Variants in NT5DC4 observed in about 807,000 individuals in gnomAD.
The protein encoded by NT5DC4 is 5'-nucleotidase domain-containing protein 4.
NT5DC4 carries 44 observed loss-of-function variants against 26.6 expected under a neutral mutation model. That is an observed-to-expected ratio of 1.65 (90% CI 1.30 to 2.13). The LOEUF (loss-of-function observed/expected upper bound fraction) is 2.13. Among genes scored for constraint, NT5DC4 ranks in the 30% most tolerant of loss-of-function variants. The probability of loss-of-function intolerance (pLI) is 0.00; values close to 1 mark genes in which losing one functional copy is unlikely to be tolerated. For synonymous variants in NT5DC4, 157 were observed against 86.7 expected (o/e 1.81, Z -4.51); for missense variants, 399 against 228.1 (o/e 1.75, Z -4.83).
chr2:112,741,166 TG>T (rs1177101833), downstream of NT5DC4, among the ~76,000 whole-genome samples: 2 of 152,334 alleles, frequency 1.3e-5, no homozygotes, highest in East Asian at 3.8e-4. Flanking sequence ...ACTTATAACT[TG>T]TTTTTTCACG....
At position 112,722,758 on chromosome 2, in the gene NT5DC4, T is replaced by C. The variant is rs1434410752; in HGVS notation, c.514T>C (p.Ser172Pro). The C allele has an allele frequency of 4.2e-6, 3 of 717,562 alleles. No individual in the cohort carries two copies. In the Admixed American group the frequency reaches 6.0e-5, roughly 14 times the overall value. 44.4% of individuals were successfully genotyped at this position (717,562 alleles called of 1,614,324 possible). A position where few individuals can be genotyped will look rare whatever the true frequency, so the allele number is the denominator to read the frequency against. Residue 172 changes from serine (S) to proline (P), a missense_variant, in exon 6 of 17, where the codon TCC (serine) becomes CCC (proline). By Grantham distance (74) the Ser-to-Pro change is moderately conservative. Coordinates refer to ENST00000688554, the MANE Select transcript of NT5DC4 (RefSeq NM_001393655.1). Reference sequence around the variant, plus strand: ...CTTGGTGGACTTCTTCTCTGGCTGCTCCCGTTACACTAAGTGCGTCTTGTG... The same window carrying C: ...CTTGGTGGACTTCTTCTCTGGCTGCCCCCGTTACACTAAGTGCGTCTTGTG... ...ACLVDFFSGCSRYTNCDTGYQ... is the reference protein window; with the variant it reads ...ACLVDFFSGCPRYTNCDTGYQ...
At chr2:112,742,751 T>C (rs746117908), downstream of NT5DC4, 1 of 1,609,646 alleles carries the variant, frequency 6.2e-7, no homozygotes, top group East Asian at 2.2e-5. Context: ...AGAACAACTT[T>C]CCGCAACTCT....
chr2:112,719,840 T>TTCCTTCCCTCCCTCCCTCCCTCCCTCCC (rs763010206), upstream of NT5DC4, among the ~76,000 whole-genome samples: 1 of 78,334 alleles, frequency 1.3e-5, no homozygotes, highest in African/African-American at 4.3e-5. Flanking sequence ...CCTTCCTTCC[T>TTCCTTCCCTCCCTCCCTCCCTCCCTCCC]TCCCTCCCTC....
chr2:112,734,728 C>T (rs1425890947), intron 16 of NT5DC4, among the ~76,000 whole-genome samples: 9 of 152,174 alleles, frequency 5.9e-5, no homozygotes, highest in Non-Finnish European at 1.2e-4. Context: ...CTTGCTCCGT[C>T]GCCTAGGCTG....
At chr2:112,723,223 G>C (rs1246955784) in intron 7 of NT5DC4, 49 bp downstream of exon 7, 1 of 716,994 alleles carries the variant, frequency 1.4e-6, no homozygotes, top group Non-Finnish European at 2.6e-6. Flanking sequence ...TCTGCTCTTG[G>C]TTCCCCGGGC....
At chr2:112,721,793 C>T in intron 1 of NT5DC4, 25 bp from the exon 2 acceptor site, 1 of 717,212 alleles carries the variant, frequency 1.4e-6, no homozygotes, top group African/African-American at 1.7e-5. Flanking sequence ...TGGACTGATG[C>T]CAACATCCTC....
chr2:112,737,888 T>G (rs1679430378), intron 16 of NT5DC4: 1 of 152,214 alleles, frequency 6.6e-6, no homozygotes, highest in South Asian at 2.1e-4. Context: ...AGAAATTTAA[T>G]GTTGTTTTAA....
intron 14 of NT5DC4, 42 bp from the exon 15 acceptor site, chr2:112,726,636 G>C: frequency 1.4e-6 from 1 of 717,452 alleles, no homozygotes; most frequent in Non-Finnish European, 2.6e-6. Context: ...GCACTCGGAG[G>C]CTCTGTGCCT....
intron 1 of NT5DC4, chr2:112,721,540 C>A: frequency 7.0e-6 from 5 of 717,888 alleles, no homozygotes; most frequent in Non-Finnish European, 1.3e-5. Context: ...CTATAACATG[C>A]CTGCATGGTG....
rs372442982 is a variant in NT5DC4 at position 112,729,504 on chromosome 2, C to T, written c.1267-123C>T. The T allele has an allele frequency of 3.2e-5, 21 of 658,698 alleles. No individual in the cohort carries two copies. The African/African-American group carries it at 3.4e-4, about 11-fold the overall frequency. 40.8% of individuals were successfully genotyped at this position (658,698 alleles called of 1,614,324 possible). A position where few individuals can be genotyped will look rare whatever the true frequency, so the allele number is the denominator to read the frequency against. The stretch of plus-strand genomic sequence containing the variant: ...TGACCTTCCGAGGTTCCTTCCTCTG[C>T]AGCAACATCGTTGGGCAGGAAGTTG... On this transcript the variant is annotated intron_variant, in intron 15 of 16. Transcript: ENST00000688554.
chr2:112,719,297 C>CG (rs1676617361), upstream of NT5DC4, among the ~76,000 whole-genome samples: 1 of 152,192 alleles, frequency 6.6e-6, no homozygotes, highest in Non-Finnish European at 1.5e-5. Context: ...TTGGGCGGAA[C>CG]ATCGTTCCGC....
intron 13 of NT5DC4, 126 bp from the exon 14 acceptor site, chr2:112,726,112 A>T (rs997633680): frequency 2.4e-5 from 16 of 671,168 alleles, no homozygotes; most frequent in Non-Finnish European, 4.1e-5. Flanking sequence ...GTAAGGGGCC[A>T]GGGGTGTTAT....
At position 112,722,515 on chromosome 2, in the gene NT5DC4, T is replaced by C; in HGVS notation, c.395T>C (p.Phe132Ser). ...CTCCTCAGGGCAGAGATCTGGAGCT[T>C]CTACCCCAGCAAGTTCATTCAGAGG... is the stretch of plus-strand genomic sequence containing the variant. Reference protein sequence around the residue: ...LPLLRAEIWSFYPSKFIQRDD... With the variant: ...LPLLRAEIWSSYPSKFIQRDD... Residue 132 changes from phenylalanine (F) to serine (S), a missense_variant, in exon 5 of 17, where the codon TTC (phenylalanine) becomes TCC (serine). Phe to Ser is a radical substitution (Grantham distance 155). Coordinates refer to ENST00000688554, the MANE Select transcript of NT5DC4 (RefSeq NM_001393655.1). 1.4e-6 allele frequency: 1 copy of C among 717,364 alleles called. No individual in the cohort carries two copies. The highest frequency in any genetic ancestry group is 1.5e-5 in the South Asian group (1 of 67,606). The allele number at this position is 717,364 out of a possible 1,614,324, so 44.4% of individuals were successfully genotyped here.
At position 112,721,841 on chromosome 2, in the gene NT5DC4, C is replaced by T. The variant is rs948150625; in HGVS notation, c.98C>T (p.Ala33Val). 14 of 717,188 alleles carry T rather than the reference C, an allele frequency of 2.0e-5. No homozygotes were observed. Among genetic ancestry groups the T allele is most frequent in the South Asian group, 5.9e-5 (4 of 67,602 alleles). The allele number at this position is 717,188 out of a possible 1,614,324, so 44.4% of individuals were successfully genotyped here. Residue 33 changes from alanine to valine, a missense_variant, in exon 2 of 17, where the codon GCG becomes GTG. Ala to Val is a moderately conservative substitution (Grantham distance 64). Transcript: ENST00000688554. ...HQRIFVNRSL[A>V]LGKIRCFGFD... ...AGGATTTTTGTCAACCGCAGCCTGGCGCTGGGGAAGATTCGTTGCTTTGGC... is the reference window on the plus strand; with the variant it reads ...AGGATTTTTGTCAACCGCAGCCTGGTGCTGGGGAAGATTCGTTGCTTTGGC...
upstream of NT5DC4, among the ~76,000 whole-genome samples, chr2:112,719,930 C>CTTTCTTTCTT (rs1297660502): frequency 6.4e-5 from 3 of 47,104 alleles, no homozygotes; most frequent in Admixed American, 2.2e-4. Flanking sequence ...CTTTCTCTTT[C>CTTTCTTTCTT]TTTCTTTCTT....
At chr2:112,721,415 T>G in intron 1 of NT5DC4, 1 of 712,856 alleles carries the variant, frequency 1.4e-6, no homozygotes, top group African/African-American at 1.7e-5. Context: ...CAGTGACATG[T>G]GCTATCCAAT....
At position 112,725,385 on chromosome 2, in the gene NT5DC4, C is replaced by G. The variant is rs766975882; in HGVS notation, c.986C>G (p.Ser329Cys). The change falls in exon 13 of 17, where the codon TCT becomes TGT. Residue 329 changes from serine (S) to cysteine (C), a missense_variant. Coordinates refer to ENST00000688554, the MANE Select transcript of NT5DC4 (RefSeq NM_001393655.1). The stretch of plus-strand genomic sequence containing the variant: ...TGTCCTCCCCTTGGTGGGGCAGGCT[C>G]TTCGGACATGGTGTGCGAGCTGCTT... ...HQHCAVYSGG[S>C]SDMVCELLGV... 1 of 704,342 alleles carries G rather than the reference C, an allele frequency of 1.4e-6. No homozygotes were observed. Among genetic ancestry groups the G allele is most frequent in the African/African-American group, 1.8e-5 (1 of 57,032 alleles). 43.6% of individuals were successfully genotyped at this position (704,342 alleles called of 1,614,324 possible). A position where few individuals can be genotyped will look rare whatever the true frequency, so the allele number is the denominator to read the frequency against.
At chr2:112,733,651 C>A (rs1678738209) in intron 16 of NT5DC4, among the ~76,000 whole-genome samples, 1 of 152,222 alleles carries the variant, frequency 6.6e-6, no homozygotes, top group Admixed American at 6.5e-5. Context: ...CAGACATAGG[C>A]TGGGCTTGGC....
At chr2:112,724,346 G>A (rs1018086076) in intron 10 of NT5DC4, 1 of 606,222 alleles carries the variant, frequency 1.6e-6, no homozygotes, top group Admixed American at 2.7e-5. Context: ...GGTGATAGGA[G>A]GCAGTCAGGT....
Sources: gnomAD v4.1 joint callset for allele counts (sites outside exome capture counted in the v4.1 genomes callset) on GRCh38, gnomAD v4.1.1 for gene constraint, MANE v1.5 for transcripts, NCBI Gene and HGNC (gene_info 2026-07-23, HGNC 2026-07-21) for gene names.